ADAT3: variants seen among roughly 807,000 people sequenced by gnomAD.
The protein encoded by ADAT3 is adenosine deaminase tRNA specific 3, also known as tRNA-specific adenosine-34 deaminase regulatory subunit ADAT3.
ADAT3 carries 2 observed loss-of-function variants against 3.5 expected under a neutral mutation model. The ratio of observed to expected loss-of-function variants is 0.57; its 90% CI spans 0.23 to 1.79. ADAT3 has a LOEUF of 1.79. Ranked by LOEUF, ADAT3 falls within the 40% of genes most tolerant of loss-of-function variation. The pLI is 0.18. For synonymous variants in ADAT3, 358 were observed against 270.3 expected (o/e 1.32, Z -3.18); for missense variants, 735 against 571.4 (o/e 1.29, Z -2.92).
At position 1,908,175 on chromosome 19, in the gene ADAT3, G is replaced by A. The variant is rs959663182; in HGVS notation, c.-159+2736G>A. On this transcript the variant is annotated intron_variant, in intron 1 of 1. Coordinates refer to ENST00000329478, the MANE Select transcript of ADAT3 (RefSeq NM_138422.4). This position sits in a 1 kb window ranked among gnomAD's most constrained non-coding sequence, Gnocchi z 4.2. ...GGTGTGCGTTTTGGGAGGGCCCAGCGAGTCGGCTGCTATGGGCCCCACCTG... is the reference window on the plus strand; with the variant it reads ...GGTGTGCGTTTTGGGAGGGCCCAGCAAGTCGGCTGCTATGGGCCCCACCTG... 3.4e-5 allele frequency: 9 copies of A among 268,246 alleles called. No individual in the cohort carries two copies. The highest frequency in any genetic ancestry group is 1.3e-4 in the East Asian group (1 of 7,984). 16.6% of individuals were successfully genotyped at this position (268,246 alleles called of 1,614,324 possible).
intron 1 of ADAT3, among the ~76,000 whole-genome samples, chr19:1,909,890 C>T (rs867993262): frequency 2.0e-4 from 31 of 152,350 alleles, no homozygotes; most frequent in Middle Eastern, 3.4e-3. Context: ...GGCTGCGCTC[C>T]GGGGCTTACG....
chr19:1,909,199 G>A (rs1209707289), intron 1 of ADAT3, among the ~76,000 whole-genome samples: 1 of 152,162 alleles, frequency 6.6e-6, no homozygotes, highest in Non-Finnish European at 1.5e-5. Flanking sequence ...TGCAGGTGGG[G>A]GAAGGCTGGC....
Position 1,908,626 on chromosome 19 carries a change from G to A in ADAT3, c.-159+3187G>A, listed in dbSNP as rs1243994776. ...AGTACTGTCTGCTAGAAATAACTGT[G>A]AGCACACAGGTAGTAAGGTTTTTAG... On this transcript the variant is annotated intron_variant, in intron 1 of 1. Coordinates refer to ENST00000329478, the MANE Select transcript of ADAT3 (RefSeq NM_138422.4). The surrounding 1 kb of genome is among the most constrained non-coding windows in gnomAD (Gnocchi z 4.2). The A allele has an allele frequency of 4.3e-6, 2 of 468,942 alleles. No individual in the cohort carries two copies. Among genetic ancestry groups the A allele is most frequent in the African/African-American group, 2.0e-5 (1 of 50,008 alleles). 29.0% of individuals were successfully genotyped at this position (468,942 alleles called of 1,614,324 possible). A position where few individuals can be genotyped will look rare whatever the true frequency, so the allele number is the denominator to read the frequency against.
Position 1,912,521 on chromosome 19 carries a change from C to T in ADAT3, c.474C>T (p.Ala158=). The part of the protein sequence containing the change: ...PPLTRGQFEE[A]RAHWPTSFHE... ...TGACCAGGGGCCAGTTCGAGGAGGCCCGGGCCCACTGGCCCACGTCCTTCC... is the reference window on the plus strand; with the variant it reads ...TGACCAGGGGCCAGTTCGAGGAGGCTCGGGCCCACTGGCCCACGTCCTTCC... The change falls in exon 2 of 2, where the codon GCC becomes GCT. Residue 158 remains alanine (A), a synonymous_variant. Coordinates refer to ENST00000329478, the MANE Select transcript of ADAT3 (RefSeq NM_138422.4). 2 of 1,497,084 alleles carry T rather than the reference C, an allele frequency of 1.3e-6. No individual in the cohort carries two copies. Among genetic ancestry groups the T allele is most frequent in the East Asian group, 2.7e-5 (1 of 36,728 alleles). The allele number at this position is 1,497,084 out of a possible 1,614,324, so 92.7% of individuals were successfully genotyped here. A position where few individuals can be genotyped will look rare whatever the true frequency, so the allele number is the denominator to read the frequency against.
chr19:1,907,978 C>G (rs1382667513), intron 1 of ADAT3: 2 of 154,766 alleles, frequency 1.3e-5, no homozygotes, highest in Non-Finnish European at 2.9e-5. Context: ...CGCGGCGGGC[C>G]CAGCCTGCAG....
At position 1,913,303 on chromosome 19, in the gene ADAT3, G is replaced by A; in HGVS notation, c.*152G>A. 1.7e-6 allele frequency: 2 copies of A among 1,197,576 alleles called. No individual in the cohort carries two copies. The highest frequency in any genetic ancestry group is 3.3e-5 in the South Asian group (2 of 60,984). The allele number at this position is 1,197,576 out of a possible 1,614,324, so 74.2% of individuals were successfully genotyped here. A position where few individuals can be genotyped will look rare whatever the true frequency, so the allele number is the denominator to read the frequency against. On this transcript the variant is annotated 3_prime_UTR_variant, in exon 2 of 2. Transcript: ENST00000329478. ...GGGGAGCACGGGTGCTGCCTTCCGT[G>A]CGGATCGAGCTTTCCTGGACTCGGT...
rs1234725801 is a variant in ADAT3, at chr19:1,912,678, G to A, written c.631G>A (p.Val211Met). 14 of 1,445,356 alleles carry A rather than the reference G, an allele frequency of 9.7e-6. No individual in the cohort carries two copies. The highest frequency in any genetic ancestry group is 1.3e-5 in the Non-Finnish European group (14 of 1,109,786). 89.5% of individuals were successfully genotyped at this position (1,445,356 alleles called of 1,614,324 possible). ...GGCAGCAGCGCGGGGCTTGCGGGCC[G>A]TGGGGGCCGTGGTAGTGGACCCGGC... Reference protein sequence around the residue: ...RRAAARGLRAVGAVVVDPASD... With the variant: ...RRAAARGLRAMGAVVVDPASD... The change falls in exon 2 of 2, where the codon GTG (valine) becomes ATG (methionine). Residue 211 changes from valine to methionine, a missense_variant. Physicochemically the swap from Val to Met is conservative, Grantham distance 21 (BLOSUM62 1). Coordinates refer to ENST00000329478, the MANE Select transcript of ADAT3 (RefSeq NM_138422.4).
In ADAT3 at chr19:1,913,180, C is replaced by G. The variant is rs1366477187; in HGVS notation, c.*29C>G. On this transcript the variant is annotated 3_prime_UTR_variant, in exon 2 of 2. Coordinates refer to ENST00000329478, the MANE Select transcript of ADAT3 (RefSeq NM_138422.4). The stretch of plus-strand genomic sequence containing the variant: ...CCGCCCTCCTGCCTCCGGACCCTTC[C>G]CGCTCCCGGCCGTGGGGCGCCCCTC... 1 of 1,479,270 alleles carries G rather than the reference C, an allele frequency of 6.8e-7. No individual in the cohort carries two copies. Among genetic ancestry groups the G allele is most frequent in the Non-Finnish European group, 9.0e-7 (1 of 1,115,576 alleles). 91.6% of individuals were successfully genotyped at this position (1,479,270 alleles called of 1,614,324 possible). A position where few individuals can be genotyped will look rare whatever the true frequency, so the allele number is the denominator to read the frequency against.
In ADAT3 at chr19:1,912,676, C is replaced by T. The variant is rs754671925; in HGVS notation, c.629C>T (p.Ala210Val). 13 of 1,442,058 alleles carry T rather than the reference C, an allele frequency of 9.0e-6. No individual in the cohort carries two copies. The East Asian group carries it at 2.9e-4, about 32-fold the overall frequency. 89.3% of individuals were successfully genotyped at this position (1,442,058 alleles called of 1,614,324 possible). A position where few individuals can be genotyped will look rare whatever the true frequency, so the allele number is the denominator to read the frequency against. Reference protein sequence around the residue: ...ARRAAARGLRAVGAVVVDPAS... With the variant: ...ARRAAARGLRVVGAVVVDPAS... The stretch of plus-strand genomic sequence containing the variant: ...CGGGCAGCAGCGCGGGGCTTGCGGG[C>T]CGTGGGGGCCGTGGTAGTGGACCCG... Residue 210 changes from alanine to valine, a missense_variant, in exon 2 of 2, where the codon GCC becomes GTC. Physicochemically the swap from Ala to Val is moderately conservative, Grantham distance 64 (BLOSUM62 0). Coordinates refer to ENST00000329478, the MANE Select transcript of ADAT3 (RefSeq NM_138422.4).
In ADAT3 at chr19:1,912,399, G is replaced by A; in HGVS notation, c.352G>A (p.Gly118Ser). The A allele has an allele frequency of 1.3e-6, 2 of 1,516,688 alleles. No homozygotes were observed. The highest frequency in any genetic ancestry group is 1.8e-6 in the Non-Finnish European group (2 of 1,139,562). The allele number at this position is 1,516,688 out of a possible 1,614,324, so 94.0% of individuals were successfully genotyped here. A position where few individuals can be genotyped will look rare whatever the true frequency, so the allele number is the denominator to read the frequency against. Residue 118 changes from glycine to serine, a missense_variant, in exon 2 of 2, where the codon GGC becomes AGC. Physicochemically the swap from Gly to Ser is moderately conservative, Grantham distance 56. Transcript: ENST00000329478. ...MLLCLAGPAS[G>S]PRSLAELLPR... ...GCTTTGCCTGGCTGGGCCGGCCTCG[G>A]GCCCGCGCTCGCTGGCTGAGCTCCT...
chr19:1,910,084 C>T (rs992734200), intron 1 of ADAT3, among the ~76,000 whole-genome samples: 4 of 152,194 alleles, frequency 2.6e-5, no homozygotes, highest in South Asian at 2.1e-4. Flanking sequence ...TAGCAGACTC[C>T]GTGCATCTGT....
At chr19:1,911,579 G>A (rs1056418327) in intron 1 of ADAT3, among the ~76,000 whole-genome samples, 3 of 152,158 alleles carry the variant, frequency 2.0e-5, no homozygotes, top group African/African-American at 4.8e-5. Flanking sequence ...TTAGGAGTTC[G>A]AGACCAGCCT....
Position 1,912,516 on chromosome 19 carries a change from G to A in ADAT3, c.469G>A (p.Glu157Lys), listed in dbSNP as rs1419426750. 2 of 1,494,658 alleles carry A rather than the reference G, an allele frequency of 1.3e-6. No homozygotes were observed. Among genetic ancestry groups the A allele is most frequent in the African/African-American group, 2.9e-5 (2 of 68,574 alleles). 92.6% of individuals were successfully genotyped at this position (1,494,658 alleles called of 1,614,324 possible). A position where few individuals can be genotyped will look rare whatever the true frequency, so the allele number is the denominator to read the frequency against. Reference sequence around the variant, plus strand: ...GCCTCTGACCAGGGGCCAGTTCGAGGAGGCCCGGGCCCACTGGCCCACGTC... The same window carrying A: ...GCCTCTGACCAGGGGCCAGTTCGAGAAGGCCCGGGCCCACTGGCCCACGTC... ...RPPLTRGQFEEARAHWPTSFH... is the reference protein window; with the variant it reads ...RPPLTRGQFEKARAHWPTSFH... The change falls in exon 2 of 2, where the codon GAG becomes AAG. Residue 157 changes from glutamate to lysine, a missense_variant. By Grantham distance (56) the Glu-to-Lys change is moderately conservative. Coordinates refer to ENST00000329478, the MANE Select transcript of ADAT3 (RefSeq NM_138422.4).
rs1720762774 is a variant in ADAT3, at chr19:1,912,788, C to T, written c.741C>T (p.Leu247=). ...LLHAVMVCVD[L]VARGQGRGTY... ...ACGCCGTCATGGTGTGCGTGGACCT[C>T]GTGGCGCGCGGCCAGGGCCGCGGCA... The change falls in exon 2 of 2, where the codon CTC becomes CTT. Residue 247 remains leucine (L), a synonymous_variant. Transcript: ENST00000329478. 4 of 1,570,150 alleles carry T rather than the reference C, an allele frequency of 2.5e-6. No homozygotes were observed. Among genetic ancestry groups the T allele is most frequent in the South Asian group, 1.1e-5 (1 of 88,084 alleles).
At chr19:1,910,155 G>A (rs1325366524) in intron 1 of ADAT3, among the ~76,000 whole-genome samples, 1 of 152,178 alleles carries the variant, frequency 6.6e-6, no homozygotes, top group Non-Finnish European at 1.5e-5. Context: ...ATGTGACATG[G>A]CTGGCTCCTC....
At chr19:1,910,780 T>G (rs764396224) in intron 1 of ADAT3, among the ~76,000 whole-genome samples, 4 of 151,726 alleles carry the variant, frequency 2.6e-5, no homozygotes, top group Non-Finnish European at 4.4e-5. Flanking sequence ...TTTCACCATG[T>G]TGGTCAGGCT....
At chr19:1,910,880 G>A (rs1269390678) in intron 1 of ADAT3, among the ~76,000 whole-genome samples, 1 of 136,410 alleles carries the variant, frequency 7.3e-6, no homozygotes, top group Non-Finnish European at 1.6e-5. Flanking sequence ...TGGCTTTTTT[G>A]TTGTTTTTTG....
Position 1,912,635 on chromosome 19 carries a change from G to A in ADAT3, c.588G>A (p.Ala196=), listed in dbSNP as rs949727253. The A allele has an allele frequency of 2.8e-6, 4 of 1,438,842 alleles. No homozygotes were observed. The highest frequency in any genetic ancestry group is 3.0e-5 in the African/African-American group (2 of 66,436). The allele number at this position is 1,438,842 out of a possible 1,614,324, so 89.1% of individuals were successfully genotyped here. Reference sequence around the variant, plus strand: ...CCATGCAGAGCCACATGGAGCGGGCGGTGTGGGCGGCCCGGCGGGCAGCAG... The same window carrying A: ...CCATGCAGAGCCACATGGAGCGGGCAGTGTGGGCGGCCCGGCGGGCAGCAG... ...RAAMQSHMER[A]VWAARRAAAR... The change falls in exon 2 of 2, where the codon GCG becomes GCA. Residue 196 remains alanine (A), a synonymous_variant. Coordinates refer to ENST00000329478, the MANE Select transcript of ADAT3 (RefSeq NM_138422.4).
chr19:1,906,856 A>C (rs930392892), intron 1 of ADAT3: 2 of 74,970 alleles, frequency 2.7e-5, no homozygotes, highest in Non-Finnish European at 4.8e-5. Flanking sequence ...GTCTCAAAAA[A>C]AAAAAAAAAT....
Sources: gnomAD v4.1 joint callset for allele counts (sites outside exome capture counted in the v4.1 genomes callset) on GRCh38, gnomAD v4.1.1 for gene constraint, Gnocchi (gnomAD v3.1) non-coding constraint, MANE v1.5 for transcripts, NCBI Gene and HGNC (gene_info 2026-07-23, HGNC 2026-07-21) for gene names.